The following DAB1 variants were observed in gnomAD, a reference collection of about 807,000 sequenced individuals.
DAB1 encodes the protein DAB adaptor protein 1.
DAB1 carries 15 observed loss-of-function variants against 64.6 expected under a neutral mutation model. The ratio of observed to expected loss-of-function variants is 0.23; its 90% CI spans 0.16 to 0.36. The LOEUF (loss-of-function observed/expected upper bound fraction) is 0.36. DAB1 is among the 10% of genes least tolerant of loss of function. The pLI is 1.00. For missense variants in DAB1, 596 were observed against 706.7 expected, an observed-to-expected ratio of 0.84 and a Z score of 1.78; for synonymous variants, 235 against 251.9, an observed-to-expected ratio of 0.93 and a Z score of 0.64.
At chr1:58,216,884 G>A (rs937457619) in intron 4 of DAB1, among the ~76,000 whole-genome samples, 1 of 152,148 alleles carries the variant, frequency 6.6e-6, no homozygotes, top group Non-Finnish European at 1.5e-5. Context: ...AAGATATTTT[G>A]AATGTCTGAT....
intron 3 of DAB1, among the ~76,000 whole-genome samples, chr1:58,372,603 T>A (rs187026202): frequency 6.6e-6 from 1 of 152,316 alleles, no homozygotes; most frequent in Admixed American, 6.5e-5. Context: ...AGGAGAAGAA[T>A]AATATGGTTT....
At chr1:57,295,813 A>G (rs1018793356) in intron 1 of DAB1, among the ~76,000 whole-genome samples, 6 of 152,160 alleles carry the variant, frequency 3.9e-5, no homozygotes, top group Middle Eastern at 3.2e-3. Flanking sequence ...TTGGAAGCAT[A>G]TTAATGTTCT....
intron 1 of DAB1, among the ~76,000 whole-genome samples, chr1:57,830,757 G>A (rs1652549611): frequency 6.6e-6 from 1 of 152,072 alleles, no homozygotes; most frequent in Non-Finnish European, 1.5e-5. Context: ...GACTGTTTAT[G>A]CAGAAAACCT....
At chr1:57,951,259 A>AG (rs1294392972) in intron 5 of DAB1, among the ~76,000 whole-genome samples, 1 of 145,578 alleles carries the variant, frequency 6.9e-6, no homozygotes, top group Non-Finnish European at 1.5e-5. Context: ...TTGGGGGGTG[A>AG]GGGGGGTAGT....
chr1:57,431,949 C>A (rs1685533634), intron 7 of DAB1, among the ~76,000 whole-genome samples: 1 of 152,046 alleles, frequency 6.6e-6, no homozygotes, highest in Non-Finnish European at 1.5e-5. Context: ...TGGTGAAACC[C>A]CGTCTCTACT....
chr1:57,318,731 CAA>C (rs10522783), intron 1 of DAB1, among the ~76,000 whole-genome samples: 42,917 of 117,996 alleles, frequency 0.36, 6,479 homozygotes, highest in East Asian at 0.53. Context: ...CGGTAATTTG[CAA>C]AAAAAAAAAA....
At chr1:57,799,336 TC>T (rs1000449087) in intron 6 of DAB1, among the ~76,000 whole-genome samples, 5 of 152,118 alleles carry the variant, frequency 3.3e-5, no homozygotes, top group Admixed American at 6.5e-5. Flanking sequence ...CCTTAAGCCT[TC>T]GGTGGCTTCC....
chr1:57,996,127 C>A (rs184256021), intron 5 of DAB1, among the ~76,000 whole-genome samples: 2 of 151,974 alleles, frequency 1.3e-5, no homozygotes, highest in African/African-American at 4.8e-5. Flanking sequence ...GGCATGGTGG[C>A]GGGTGCCTGT....
At chr1:58,352,754 G>A (rs1306547836) in intron 3 of DAB1, among the ~76,000 whole-genome samples, 1 of 152,134 alleles carries the variant, frequency 6.6e-6, no homozygotes, top group African/African-American at 2.4e-5. Flanking sequence ...ATATTGGGTG[G>A]TGGGGCCTTT....
chr1:57,044,346 A>G (rs768711332), intron 9 of DAB1, among the ~76,000 whole-genome samples: 2 of 152,196 alleles, frequency 1.3e-5, no homozygotes, highest in Non-Finnish European at 2.9e-5. Flanking sequence ...TATTTGAAAA[A>G]TGGGTGAAGG....
intron 6 of DAB1, among the ~76,000 whole-genome samples, chr1:57,730,249 A>G (rs1647352301): frequency 6.6e-6 from 1 of 152,214 alleles, no homozygotes; most frequent in Non-Finnish European, 1.5e-5. Flanking sequence ...CCAGAAAGAG[A>G]GAAAACAAGA....
At chr1:56,999,984 G>A (rs980409140) in intron 14 of DAB1, among the ~76,000 whole-genome samples, 13 of 151,568 alleles carry the variant, frequency 8.6e-5, no homozygotes, top group African/African-American at 2.2e-4. Flanking sequence ...AGAAAAGTAC[G>A]GAAGCCCATT....
chr1:57,541,230 G>A (rs768100765), intron 7 of DAB1, among the ~76,000 whole-genome samples: 2 of 151,140 alleles, frequency 1.3e-5, no homozygotes, highest in Non-Finnish European at 2.9e-5. Context: ...CCAGGTTCAC[G>A]CCATTCTCCT....
At chr1:57,682,634 C>T (rs1016623051) in intron 6 of DAB1, among the ~76,000 whole-genome samples, 2 of 152,028 alleles carry the variant, frequency 1.3e-5, no homozygotes, top group African/African-American at 4.8e-5. Context: ...ATTCTAGACA[C>T]AGGGGACCCT....
intron 4 of DAB1, among the ~76,000 whole-genome samples, chr1:58,323,244 A>G: frequency 7.5e-6 from 1 of 133,698 alleles, no homozygotes; most frequent in East Asian, 3.3e-4. Context: ...TATAATAATA[A>G]TAATAATAAT....
intron 1 of DAB1, among the ~76,000 whole-genome samples, chr1:57,300,013 T>C (rs1673505860): frequency 6.6e-6 from 1 of 152,118 alleles, no homozygotes; most frequent in Non-Finnish European, 1.5e-5. Context: ...TACCCTCTCA[T>C]ACAGCTGCGT....
intron 2 of DAB1, among the ~76,000 whole-genome samples, chr1:57,275,713 C>T (rs998958272): frequency 6.6e-6 from 1 of 152,182 alleles, no homozygotes; most frequent in Non-Finnish European, 1.5e-5. Context: ...TCTTAATTCC[C>T]GTGCTTTACT....
chr1:57,486,094 CA>C (rs1644088696), intron 7 of DAB1, among the ~76,000 whole-genome samples: 1 of 152,176 alleles, frequency 6.6e-6, no homozygotes, highest in Admixed American at 6.5e-5. Context: ...TTCAGATTTA[CA>C]AAACAGATAA....
At chr1:57,739,667 G>T (rs1258961802) in intron 6 of DAB1, among the ~76,000 whole-genome samples, 1 of 150,624 alleles carries the variant, frequency 6.6e-6, no homozygotes, top group Non-Finnish European at 1.5e-5. Flanking sequence ...TGGCCAGGCT[G>T]GTCTCAAACT....
Sources: gnomAD v4.1 joint callset for allele counts (sites outside exome capture counted in the v4.1 genomes callset) on GRCh38, gnomAD v4.1.1 for gene constraint, MANE v1.5 for transcripts, NCBI Gene and HGNC (gene_info 2026-07-23, HGNC 2026-07-21) for gene names.